The following VPS16 variants were observed in gnomAD, a reference collection of about 807,000 sequenced individuals.
VPS16 encodes vacuolar protein sorting-associated protein 16 homolog.
In VPS16, 82 loss-of-function variants were observed where a neutral mutation model predicts 116.0. The ratio of observed to expected loss-of-function variants is 0.71; its 90% CI spans 0.59 to 0.85. The LOEUF is 0.85. VPS16 is among the 40% of genes least tolerant of loss of function. VPS16 has a pLI of 0.00. For synonymous variants in VPS16, 406 were observed against 420.7 expected, an observed-to-expected ratio of 0.96 and a Z score of 0.43; for missense variants, 928 against 1,090.6, an observed-to-expected ratio of 0.85 and a Z score of 2.10.
chr20:2,862,616 T>A lies in VPS16; in HGVS notation c.1109T>A (p.Ile370Asn), dbSNP rs1168735359. The change falls in exon 12 of 24, where the codon ATC becomes AAC. Residue 370 changes from isoleucine to asparagine, a missense_variant. By Grantham distance (149) the Ile-to-Asn change is moderately radical. Transcript: ENST00000380445. ...AAGGCGGACGAGTACCTGCGGGAGATCCAGGAGCTGGGCCAGCTGACCCAG... is the reference window on the plus strand; with the variant it reads ...AAGGCGGACGAGTACCTGCGGGAGAACCAGGAGCTGGGCCAGCTGACCCAG... The part of the protein sequence containing the change: ...SQKADEYLRE[I>N]QELGQLTQAV... 6.2e-7 allele frequency: 1 copy of A among 1,613,582 alleles called. No homozygotes were observed. Among genetic ancestry groups the A allele is most frequent in the South Asian group, 1.1e-5 (1 of 91,060 alleles).
intron 1 of VPS16, among the ~76,000 whole-genome samples, chr20:2,844,927 G>A (rs1162327964): frequency 6.6e-6 from 1 of 151,930 alleles, no homozygotes; most frequent in African/African-American, 2.4e-5. Context: ...GGGACGTGTA[G>A]ATCACCGTTA....
intron 1 of VPS16, among the ~76,000 whole-genome samples, chr20:2,842,659 T>C (rs1368087623): frequency 1.3e-5 from 1 of 77,078 alleles, no homozygotes; most frequent in African/African-American, 6.4e-5. Context: ...TATAGATAGA[T>C]ATATAGATGT....
At chr20:2,844,916 A>G (rs1006636117) in intron 1 of VPS16, among the ~76,000 whole-genome samples, 1 of 152,028 alleles carries the variant, frequency 6.6e-6, no homozygotes, top group African/African-American at 2.4e-5. Flanking sequence ...CACACGCTGC[A>G]GGGACGTGTA....
chr20:2,865,568 C>T lies in VPS16; in HGVS notation c.2271+73C>T. ...CGGGAGAGAGGGCTAGGCAGGGAGA[C>T]AGATAGGATGGCCCGTTCATGCTCC... On this transcript the variant is annotated intron_variant, in intron 22 of 23. Coordinates refer to ENST00000380445, the MANE Select transcript of VPS16 (RefSeq NM_022575.4). This position sits in a 1 kb window ranked among gnomAD's most constrained non-coding sequence, Gnocchi z 5.2. The T allele has an allele frequency of 7.2e-7, 1 of 1,395,178 alleles. No homozygotes were observed. The highest frequency in any genetic ancestry group is 9.9e-7 in the Non-Finnish European group (1 of 1,011,216). 86.4% of individuals were successfully genotyped at this position (1,395,178 alleles called of 1,614,324 possible). A position where few individuals can be genotyped will look rare whatever the true frequency, so the allele number is the denominator to read the frequency against.
At chr20:2,859,180 C>T (rs2146663391) in intron 1 of VPS16, among the ~76,000 whole-genome samples, 1 of 152,142 alleles carries the variant, frequency 6.6e-6, no homozygotes, top group East Asian at 1.9e-4. Context: ...CCCTGGAGTT[C>T]CAGCTACCCA....
chr20:2,841,546 C>T (rs2088974698), intron 1 of VPS16, among the ~76,000 whole-genome samples: 1 of 152,188 alleles, frequency 6.6e-6, no homozygotes, highest in Non-Finnish European at 1.5e-5. Context: ...TGGATACTGC[C>T]ATTTCTCTCT....
In VPS16 at chr20:2,857,313, C is replaced by T. The variant is rs146200232; in HGVS notation, c.54-2406C>T. On this transcript the variant is annotated intron_variant, in intron 1 of 23. Transcript: ENST00000380445. ...CTTCAGAATCAGTTTGTGCATTACC[C>T]TTCCACTGGCCAGATAATTGGCAGA... Among the ~76,000 whole-genome samples, 748 of 152,302 alleles carry T rather than the reference C, an allele frequency of 4.9e-3. 5 individuals are homozygous for T. The highest frequency in any genetic ancestry group is 0.017 in the African/African-American group (694 of 41,566).
chr20:2,850,079 G>A (rs1212938401), intron 1 of VPS16, among the ~76,000 whole-genome samples: 1 of 151,716 alleles, frequency 6.6e-6, no homozygotes, highest in African/African-American at 2.4e-5. Context: ...CCCAACACTT[G>A]GGGATACCAA....
rs756382453 is a variant in VPS16, at chr20:2,862,908, C to T, written c.1305C>T (p.His435=). The T allele has an allele frequency of 1.9e-6, 3 of 1,614,106 alleles. No individual in the cohort carries two copies. The highest frequency in any genetic ancestry group is 4.5e-5 in the East Asian group (2 of 44,878). Reference sequence around the variant, plus strand: ...TGCTCAATGCTGTTCGGGACTATCACATCGGGATCCCGCTCACCTATAGCC... The same window carrying T: ...TGCTCAATGCTGTTCGGGACTATCATATCGGGATCCCGCTCACCTATAGCC... ...LRVLNAVRDY[H]IGIPLTYSQY... The change falls in exon 13 of 24, where the codon CAC becomes CAT. Residue 435 remains histidine, a synonymous_variant. Coordinates refer to ENST00000380445, the MANE Select transcript of VPS16 (RefSeq NM_022575.4).
At position 2,859,704 on chromosome 20, in the gene VPS16, T is replaced by G. The variant is rs1315340745; in HGVS notation, c.54-15T>G. ...GGGTAATGAGGCTAATTTCTGCTCA[T>G]CTCTGTGTGGGCAGGAAATATGAGC... On this transcript the variant is annotated splice_polypyrimidine_tract_variant and intron_variant, in intron 1 of 23. Coordinates refer to ENST00000380445, the MANE Select transcript of VPS16 (RefSeq NM_022575.4). 6.2e-7 allele frequency: 1 copy of G among 1,613,052 alleles called. No homozygotes were observed. Among genetic ancestry groups the G allele is most frequent in the Admixed American group, 1.7e-5 (1 of 59,704 alleles).
In VPS16 at chr20:2,862,897, C is replaced by T. The variant is rs757397372; in HGVS notation, c.1294C>T (p.Arg432Trp). The change falls in exon 13 of 24, where the codon CGG becomes TGG. Residue 432 changes from arginine (R) to tryptophan (W), a missense_variant. By Grantham distance (101) the Arg-to-Trp change is moderately radical (BLOSUM62 -3). Transcript: ENST00000380445. ...GGACCTGCGTGTGCTCAATGCTGTT[C>T]GGGACTATCACATCGGGATCCCGCT... is the stretch of plus-strand genomic sequence containing the variant. ...CQDLRVLNAV[R>W]DYHIGIPLTY... 1.8e-5 allele frequency: 29 copies of T among 1,613,976 alleles called. No individual in the cohort carries two copies. Among genetic ancestry groups the T allele is most frequent in the South Asian group, 4.4e-5 (4 of 91,088 alleles).
chr20:2,865,543 C>T lies in VPS16; in HGVS notation c.2271+48C>T, dbSNP rs201532419. On this transcript the variant is annotated intron_variant, in intron 22 of 23. Transcript: ENST00000380445. The surrounding 1 kb of genome is among the most constrained non-coding windows in gnomAD (Gnocchi z 5.2). ...GCCCACTTCCAGTGAGGGTAGTCTT[C>T]GGGAGAGAGGGCTAGGCAGGGAGAC... 1.6e-4 allele frequency: 257 copies of T among 1,561,614 alleles called. 3 individuals carry two copies. In the East Asian group the frequency reaches 3.8e-3, roughly 23 times the overall value.
Position 2,845,417 on chromosome 20 carries a change from A to G in VPS16, c.53+4590A>G, listed in dbSNP as rs73606185. ...TCTTATGGTAAAAGAAAGGAGAGTT[A>G]AGATACATTATATACTCCTGAAATT... is the stretch of plus-strand genomic sequence containing the variant. On this transcript the variant is annotated intron_variant, in intron 1 of 23. Transcript: ENST00000380445. 5.8e-4 allele frequency among the ~76,000 whole-genome samples: 89 copies of G among 152,270 alleles called. 1 individual carries two copies. In the East Asian group the frequency reaches 0.016, roughly 28 times the overall value.
In VPS16 at chr20:2,864,969, T is replaced by C. The variant is rs763484721; in HGVS notation, c.1927-9T>C. 1 of 1,614,104 alleles carries C rather than the reference T, an allele frequency of 6.2e-7. No individual in the cohort carries two copies. Among genetic ancestry groups the C allele is most frequent in the Admixed American group, 1.7e-5 (1 of 60,024 alleles). On this transcript the variant is annotated splice_polypyrimidine_tract_variant and intron_variant, in intron 19 of 23. Transcript: ENST00000380445. The surrounding 1 kb of genome is among the most constrained non-coding windows in gnomAD (Gnocchi z 5.2). ...CTGTGAGTTCAGGCCTTCCTTCTTG[T>C]CTTTATAGCGTATTGAGGGGCGAGT...
intron 1 of VPS16, chr20:2,841,136 G>A: frequency 2.2e-6 from 1 of 448,240 alleles, no homozygotes; most frequent in Non-Finnish European, 4.0e-6. Context: ...CCAGTCTCCT[G>A]CCGGAAAGTG....
Position 2,865,891 on chromosome 20 carries a change from T to A in VPS16, c.2272-321T>A. 1 of 471,858 alleles carries A rather than the reference T, an allele frequency of 2.1e-6. No homozygotes were observed. Among genetic ancestry groups the A allele is most frequent in the Non-Finnish European group, 3.9e-6 (1 of 258,762 alleles). The allele number at this position is 471,858 out of a possible 1,614,324, so 29.2% of individuals were successfully genotyped here. A position where few individuals can be genotyped will look rare whatever the true frequency, so the allele number is the denominator to read the frequency against. ...GAGGTGTATAGGGCAGGTTTGAGAA[T>A]GTCAATCACAAGAGAACACAGGAAA... On this transcript the variant is annotated intron_variant, in intron 22 of 23. Coordinates refer to ENST00000380445, the MANE Select transcript of VPS16 (RefSeq NM_022575.4). This position sits in a 1 kb window ranked among gnomAD's most constrained non-coding sequence, Gnocchi z 5.2.
rs1292598274 is a variant in VPS16 at position 2,864,412 on chromosome 20, T to G, written c.1768T>G (p.Phe590Val). 1.2e-6 allele frequency: 2 copies of G among 1,613,930 alleles called. No homozygotes were observed. The highest frequency in any genetic ancestry group is 1.1e-5 in the South Asian group (1 of 91,068). ...GAAGAACGAGCTGAACCGAGGAGATTTTTTCATGACCCTTCGGAATCAGCC... is the reference window on the plus strand; with the variant it reads ...GAAGAACGAGCTGAACCGAGGAGATGTTTTCATGACCCTTCGGAATCAGCC... ...HLKNELNRGD[F>V]FMTLRNQPMA... Residue 590 changes from phenylalanine to valine, a missense_variant, in exon 18 of 24, where the codon TTT (phenylalanine) becomes GTT (valine). By Grantham distance (50) the Phe-to-Val change is conservative (BLOSUM62 -1). Transcript: ENST00000380445. The surrounding 1 kb of genome is among the most constrained non-coding windows in gnomAD (Gnocchi z 5.2).
Position 2,863,022 on chromosome 20 carries a change from G to A in VPS16, c.1332-43G>A, listed in dbSNP as rs767656773. ...ATGCGTCTGCAGGTACCTGGCAAGCGGGGCTTATTCTCCAACTGGATCCTT... is the reference window on the plus strand; with the variant it reads ...ATGCGTCTGCAGGTACCTGGCAAGCAGGGCTTATTCTCCAACTGGATCCTT... On this transcript the variant is annotated intron_variant, in intron 13 of 23. Transcript: ENST00000380445. The surrounding 1 kb of genome is among the most constrained non-coding windows in gnomAD (Gnocchi z 4.4). 38 of 1,614,064 alleles carry A rather than the reference G, an allele frequency of 2.4e-5. 1 individual carries two copies. The South Asian group carries it at 3.5e-4, about 15-fold the overall frequency.
intron 1 of VPS16, among the ~76,000 whole-genome samples, chr20:2,841,415 G>A (rs2088972598): frequency 6.6e-6 from 1 of 152,184 alleles, no homozygotes; most frequent in African/African-American, 2.4e-5. Flanking sequence ...CGAACTTCTC[G>A]TGGAACGTCT....
Sources: gnomAD v4.1 joint callset for allele counts (sites outside exome capture counted in the v4.1 genomes callset) on GRCh38, gnomAD v4.1.1 for gene constraint, Gnocchi (gnomAD v3.1) non-coding constraint, MANE v1.5 for transcripts, NCBI Gene and HGNC (gene_info 2026-07-23, HGNC 2026-07-21) for gene names.